The following BEAN1 variants were observed in gnomAD, a reference collection of about 807,000 sequenced individuals.
BEAN1 encodes brain expressed associated with NEDD4 1.
BEAN1 carries 17 observed loss-of-function variants against 17.7 expected under a neutral mutation model. The ratio of observed to expected loss-of-function variants is 0.96; its 90% CI spans 0.66 to 1.44. The LOEUF (loss-of-function observed/expected upper bound fraction) is 1.44. BEAN1 is among the 40% of genes most tolerant of loss of function. The pLI, the probability that BEAN1 is intolerant of heterozygous loss-of-function variation, is 0.00. For synonymous variants in BEAN1, 142 were observed against 151.8 expected, an observed-to-expected ratio of 0.94 and a Z score of 0.47; for missense variants, 359 against 374.1, an observed-to-expected ratio of 0.96 and a Z score of 0.33.
At chr16:66,472,675 G>C (rs920508197) in intron 3 of BEAN1, among the ~76,000 whole-genome samples, 4 of 152,180 alleles carry the variant, frequency 2.6e-5, no homozygotes, top group Admixed American at 1.3e-4. Flanking sequence ...CTGCACTCCA[G>C]CCTGGGTGGC....
intron 2 of BEAN1, among the ~76,000 whole-genome samples, chr16:66,443,080 T>C (rs1962321028): frequency 6.6e-6 from 1 of 152,216 alleles, no homozygotes; most frequent in Non-Finnish European, 1.5e-5. Flanking sequence ...TAGCACTCTT[T>C]CCCACTGAGC....
At chr16:66,444,308 G>T (rs988983591) in intron 2 of BEAN1, among the ~76,000 whole-genome samples, 4 of 152,172 alleles carry the variant, frequency 2.6e-5, no homozygotes, top group Non-Finnish European at 5.9e-5. Context: ...GAGGTCTCAA[G>T]CCCCTCCTTC....
intron 2 of BEAN1, among the ~76,000 whole-genome samples, chr16:66,442,863 G>T (rs148225953): frequency 5.1e-4 from 77 of 152,320 alleles, no homozygotes; most frequent in African/African-American, 1.7e-3. Context: ...GGGAGAGGGG[G>T]AAATAGAGAG....
intron 2 of BEAN1, among the ~76,000 whole-genome samples, chr16:66,452,550 G>C (rs1962711295): frequency 6.6e-6 from 1 of 152,232 alleles, no homozygotes; most frequent in Non-Finnish European, 1.5e-5. Flanking sequence ...TGCCCATCCA[G>C]TGTGACATTT....
chr16:66,466,181 A>G (rs1388105961), intron 2 of BEAN1, among the ~76,000 whole-genome samples: 1 of 152,146 alleles, frequency 6.6e-6, no homozygotes, highest in Non-Finnish European at 1.5e-5. Flanking sequence ...TATGGTCCCA[A>G]TTACTCAGGA....
intron 3 of BEAN1, among the ~76,000 whole-genome samples, chr16:66,475,079 G>A (rs528816089): frequency 6.3e-4 from 96 of 152,296 alleles, no homozygotes; most frequent in African/African-American, 2.1e-3. Context: ...CCAAGGTATC[G>A]GGGTAAACAG....
intron 2 of BEAN1, among the ~76,000 whole-genome samples, chr16:66,440,128 T>C (rs1418886411): frequency 1.4e-5 from 2 of 141,078 alleles, no homozygotes; most frequent in East Asian, 2.0e-4. Context: ...TACTTCTTTT[T>C]TTTTTTTTTT....
At chr16:66,466,059 C>T (rs1395749987) in intron 2 of BEAN1, among the ~76,000 whole-genome samples, 2 of 152,188 alleles carry the variant, frequency 1.3e-5, no homozygotes, top group African/African-American at 4.8e-5. Flanking sequence ...AGTGATCCAC[C>T]CACCTCGGCC....
At position 66,458,788 on chromosome 16, in the gene BEAN1, T is replaced by C. The variant is rs1019246218; in HGVS notation, c.26-10814T>C. Among the ~76,000 whole-genome samples the C allele has an allele frequency of 2.0e-5, 3 of 152,250 alleles. No individual in the cohort carries two copies. The East Asian group carries it at 5.8e-4, about 29-fold the overall frequency. On this transcript the variant is annotated intron_variant, in intron 2 of 4. Transcript: ENST00000536005. ...CACAGAGAGGAAGCAAGCCCCAGAC[T>C]CACTCCCACATCCAGGTCTGCAAAA...
chr16:66,490,651 G>A (rs1261425886), intron 4 of BEAN1, among the ~76,000 whole-genome samples: 2 of 152,084 alleles, frequency 1.3e-5, no homozygotes, highest in African/African-American at 4.8e-5. Context: ...CACACTAGCA[G>A]AGTATGCCTC....
intron 2 of BEAN1, among the ~76,000 whole-genome samples, chr16:66,463,480 T>C (rs796533800): frequency 2.0e-5 from 3 of 152,224 alleles, no homozygotes; most frequent in African/African-American, 7.2e-5. Context: ...GACAATTTTT[T>C]TAATTGGGTT....
At chr16:66,484,503 G>C (rs1964057320), downstream of BEAN1, 1 of 436,082 alleles carries the variant, frequency 2.3e-6, no homozygotes, top group Non-Finnish European at 4.6e-6. This position sits in a 1 kb window ranked among gnomAD's most constrained non-coding sequence, Gnocchi z 4.2. Context: ...CCGCCTGTCT[G>C]TGCCAGGGGC....
rs561675986 is a variant in BEAN1 at position 66,458,500 on chromosome 16, G to C, written c.26-11102G>C. Among the ~76,000 whole-genome samples the C allele has an allele frequency of 2.0e-5, 3 of 152,174 alleles. No individual in the cohort carries two copies. In the East Asian group the frequency reaches 5.8e-4, roughly 29 times the overall value. On this transcript the variant is annotated intron_variant, in intron 2 of 4. Coordinates refer to ENST00000536005, the MANE Select transcript of BEAN1 (RefSeq NM_001178020.3). ...CAGCCAGCAGGTTCAGAGAGGGCAAGCGGCATGCCGAAGGTCACACAGTGA... is the reference window on the plus strand; with the variant it reads ...CAGCCAGCAGGTTCAGAGAGGGCAACCGGCATGCCGAAGGTCACACAGTGA...
intron 2 of BEAN1, among the ~76,000 whole-genome samples, chr16:66,454,981 C>A (rs1304748809): frequency 6.6e-6 from 1 of 152,056 alleles, no homozygotes; most frequent in Non-Finnish European, 1.5e-5. Flanking sequence ...GACATTCAGT[C>A]TTTTTCATAC....
At chr16:66,483,346 T>A, downstream of BEAN1, 1 of 159,332 alleles carries the variant, frequency 6.3e-6, no homozygotes, top group African/African-American at 2.4e-5. Flanking sequence ...ATCATTTCTC[T>A]GAGACATGGC....
chr16:66,477,755 T>C, intron 4 of BEAN1, 45 bp downstream of exon 4: 2 of 1,477,178 alleles, frequency 1.4e-6, no homozygotes, highest in Admixed American at 2.5e-5. Flanking sequence ...GATGGGGCCC[T>C]GGACACAAAG....
At chr16:66,439,850 G>A (rs534107219) in intron 2 of BEAN1, among the ~76,000 whole-genome samples, 1 of 152,240 alleles carries the variant, frequency 6.6e-6, no homozygotes, top group Admixed American at 6.5e-5. Flanking sequence ...CTGAGACAAA[G>A]GGGTCCACCA....
chr16:66,429,602 G>A (rs1390650432), intron 1 of BEAN1, among the ~76,000 whole-genome samples: 3 of 152,190 alleles, frequency 2.0e-5, no homozygotes, highest in Admixed American at 1.3e-4. Context: ...GAGGAAACAT[G>A]TCCACATGGT....
chr16:66,466,252 G>A (rs1963258015), intron 2 of BEAN1, among the ~76,000 whole-genome samples: 1 of 152,164 alleles, frequency 6.6e-6, no homozygotes, highest in African/African-American at 2.4e-5. Context: ...ACTCCAGCCT[G>A]GGAGACAATG....
Sources: allele counts gnomAD v4.1 joint callset (sites outside exome capture counted in the v4.1 genomes callset), GRCh38; gene constraint gnomAD v4.1.1; non-coding constraint Gnocchi (gnomAD v3.1); transcripts MANE v1.5; gene names NCBI Gene and HGNC (gene_info 2026-07-23, HGNC 2026-07-21).